Variants in SPTLC2 observed in about 807,000 individuals in gnomAD.
The protein encoded by SPTLC2 is serine palmitoyltransferase long chain base subunit 2.
A neutral mutation model predicts 62.0 loss-of-function variants in SPTLC2; 21 were observed. The ratio of observed to expected loss-of-function variants is 0.34; its 90% CI spans 0.24 to 0.49. The LOEUF is 0.49. Among genes scored for constraint, SPTLC2 ranks in the 20% least tolerant of loss-of-function variants. SPTLC2 has a pLI of 0.99. For synonymous variants in SPTLC2, 261 were observed against 261.8 expected, an observed-to-expected ratio of 1.00 and a Z score of 0.03; for missense variants, 511 against 713.0, an observed-to-expected ratio of 0.72 and a Z score of 3.23.
chr14:77,596,670 C>T (rs189456574), intron 2 of SPTLC2, among the ~76,000 whole-genome samples: 2 of 152,308 alleles, frequency 1.3e-5, no homozygotes, highest in Non-Finnish European at 2.9e-5. Flanking sequence ...AATCGGTTGG[C>T]CACATTCTGT....
intron 10 of SPTLC2, among the ~76,000 whole-genome samples, chr14:77,519,062 TGA>T (rs1277576029): frequency 1.3e-5 from 2 of 152,220 alleles, no homozygotes; most frequent in African/African-American, 2.4e-5. Context: ...GGTTTTTTTT[TGA>T]GTCTCTCGCT....
intron 9 of SPTLC2, among the ~76,000 whole-genome samples, chr14:77,532,303 C>T (rs528848419): frequency 6.6e-6 from 1 of 152,144 alleles, no homozygotes; most frequent in Admixed American, 6.6e-5. Flanking sequence ...TAAATGCTCA[C>T]GTGAATGAAT....
At chr14:77,526,350 T>TA (rs942211532) in intron 9 of SPTLC2, among the ~76,000 whole-genome samples, 3 of 152,176 alleles carry the variant, frequency 2.0e-5, no homozygotes, top group African/African-American at 4.8e-5. Flanking sequence ...TAGCACTGTT[T>TA]AAAAAAATAC....
intron 2 of SPTLC2, among the ~76,000 whole-genome samples, chr14:77,591,083 T>A (rs943688117): frequency 6.6e-6 from 1 of 152,176 alleles, no homozygotes; most frequent in Non-Finnish European, 1.5e-5. Flanking sequence ...CAGTGAGAAA[T>A]CCCTATAGTA....
At chr14:77,559,047 TG>T (rs1421946636) in intron 6 of SPTLC2, among the ~76,000 whole-genome samples, 1 of 152,164 alleles carries the variant, frequency 6.6e-6, no homozygotes, top group Admixed American at 6.5e-5. Flanking sequence ...CAGCCAGGTG[TG>T]GTGGCTCACG....
intron 1 of SPTLC2, among the ~76,000 whole-genome samples, chr14:77,615,432 T>C (rs139300750): frequency 3.5e-4 from 54 of 152,310 alleles, no homozygotes; most frequent in Non-Finnish European, 6.6e-4. Flanking sequence ...CCTATCAAAC[T>C]GCAACAGTCA....
At chr14:77,569,300 TC>T (rs2079664363) in intron 5 of SPTLC2, among the ~76,000 whole-genome samples, 1 of 152,200 alleles carries the variant, frequency 6.6e-6, no homozygotes, top group African/African-American at 2.4e-5. Flanking sequence ...CTTAATTTTA[TC>T]CGACAATCTT....
intron 9 of SPTLC2, chr14:77,536,015 GA>G: frequency 2.3e-6 from 1 of 442,678 alleles, no homozygotes; most frequent in Non-Finnish European, 4.5e-6. Flanking sequence ...CCTGAGATAG[GA>G]AACACAAAAG....
At chr14:77,538,054 T>C (rs1191720063) in intron 9 of SPTLC2, among the ~76,000 whole-genome samples, 8 of 152,226 alleles carry the variant, frequency 5.3e-5, no homozygotes, top group African/African-American at 1.9e-4. Context: ...TTTTAACACA[T>C]AACACAAGGA....
chr14:77,541,471 A>G (rs1165473506), intron 9 of SPTLC2, among the ~76,000 whole-genome samples: 1 of 151,756 alleles, frequency 6.6e-6, no homozygotes, highest in African/African-American at 2.4e-5. Context: ...GAACTTAGAA[A>G]TGCAAGGACT....
intron 4 of SPTLC2, among the ~76,000 whole-genome samples, chr14:77,576,264 CTT>C (rs1232261287): frequency 6.6e-6 from 1 of 152,246 alleles, no homozygotes; most frequent in East Asian, 1.9e-4. Context: ...AGTTATTACT[CTT>C]TTATATTTTA....
At position 77,567,833 on chromosome 14, in the gene SPTLC2, C is replaced by CTTTT. The variant is rs34867638; in HGVS notation, c.756+2547_756+2550dup. ...CTAATTTTTTAAGCTACAAGCTTTA[C>CTTTT]TTTTTTTTTTTAAGATGGAGTCTGG... On this transcript the variant is annotated intron_variant, in intron 5 of 11. Coordinates refer to ENST00000216484, the MANE Select transcript of SPTLC2 (RefSeq NM_004863.4). Among the ~76,000 whole-genome samples, 1,015 of 145,932 alleles carry CTTTT rather than the reference C, an allele frequency of 7.0e-3. 14 individuals carry two copies. Among genetic ancestry groups the CTTTT allele is most frequent in the African/African-American group, 0.023 (903 of 39,798 alleles).
intron 1 of SPTLC2, among the ~76,000 whole-genome samples, chr14:77,614,673 CAAAA>C: frequency 7.0e-6 from 1 of 142,500 alleles, no homozygotes; most frequent in African/African-American, 2.6e-5. Context: ...CAAAAAAAAC[CAAAA>C]AAACAAAAAA....
chr14:77,578,517 G>A (rs942358584), intron 3 of SPTLC2, among the ~76,000 whole-genome samples: 4 of 152,056 alleles, frequency 2.6e-5, no homozygotes, highest in Non-Finnish European at 5.9e-5. Context: ...AGGCATTCGA[G>A]ACCAGCCTGG....
chr14:77,555,264 T>C, intron 8 of SPTLC2, 36 bp downstream of exon 8: 1 of 1,613,010 alleles, frequency 6.2e-7, no homozygotes, highest in South Asian at 1.1e-5. Context: ...TGCCAGTGAC[T>C]TTATCTCTAA....
At position 77,517,916 on chromosome 14, in the gene SPTLC2, G is replaced by A; in HGVS notation, c.1569+122C>T. The A allele has an allele frequency of 2.0e-6, 3 of 1,490,342 alleles. No homozygotes were observed. The South Asian group carries it at 3.5e-5, about 17-fold the overall frequency. The allele number at this position is 1,490,342 out of a possible 1,614,324, so 92.3% of individuals were successfully genotyped here. ...AAATGCCAATGTTTTTGGTAGCACT[G>A]TCACCCCCTCTGTCTTAGGTGCTCA... On this transcript the variant is annotated intron_variant, in intron 11 of 11. Transcript: ENST00000216484.
chr14:77,529,253 C>CT lies in SPTLC2; in HGVS notation c.1304-7673dup, dbSNP rs67561245. On this transcript the variant is annotated intron_variant, in intron 9 of 11. Transcript: ENST00000216484. ...TGAAGTTTCTCTTTGAAAACTTCTT[C>CT]TTTTTTTTTTTTTTTTTTTTTTAAC... Among the ~76,000 whole-genome samples, 622 of 122,138 alleles carry CT rather than the reference C, an allele frequency of 5.1e-3. 4 individuals carry two copies. Among genetic ancestry groups the CT allele is most frequent in the Middle Eastern group, 0.013 (3 of 232 alleles). 80.1% of individuals were successfully genotyped at this position (122,138 alleles called of 152,430 possible). A position where few individuals can be genotyped will look rare whatever the true frequency, so the allele number is the denominator to read the frequency against.
chr14:77,518,237 C>T, intron 10 of SPTLC2, 70 bp from the exon 11 acceptor site: 2 of 1,602,436 alleles, frequency 1.2e-6, no homozygotes, highest in Admixed American at 3.5e-5. Context: ...GACCTGCTGT[C>T]CTCAAAGATT....
chr14:77,550,113 T>C (rs1021593419), intron 9 of SPTLC2, among the ~76,000 whole-genome samples: 2 of 152,232 alleles, frequency 1.3e-5, no homozygotes, highest in Admixed American at 1.3e-4. Flanking sequence ...AACAGGGAGC[T>C]ATTCACAGGC....
Sources: allele counts gnomAD v4.1 joint callset (sites outside exome capture counted in the v4.1 genomes callset), GRCh38; gene constraint gnomAD v4.1.1; transcripts MANE v1.5; gene names NCBI Gene and HGNC (gene_info 2026-07-23, HGNC 2026-07-21).